Variants in WDR27 observed in about 807,000 individuals in gnomAD.
WDR27 encodes WD repeat domain 27, also known as WD repeat-containing protein 27.
A neutral mutation model predicts 114.4 loss-of-function variants in WDR27; 100 were observed. The observed-to-expected ratio is 0.87, with a 90% CI of 0.74 to 1.03. The LOEUF (loss-of-function observed/expected upper bound fraction) is 1.03. WDR27 is among the 50% of genes least tolerant of loss of function. The pLI is 0.00. For missense variants in WDR27, 1,129 were observed against 1,092.9 expected (o/e 1.03, Z -0.47); for synonymous variants, 449 against 423.1 (o/e 1.06, Z -0.75).
chr6:169,467,547 T>A (rs1785754442), intron 25 of WDR27, among the ~76,000 whole-genome samples: 1 of 152,226 alleles, frequency 6.6e-6, no homozygotes, highest in Non-Finnish European at 1.5e-5. Context: ...GGCTTGGGGT[T>A]TCCACCCTCT....
intron 25 of WDR27, among the ~76,000 whole-genome samples, chr6:169,506,399 G>A (rs1792003052): frequency 6.6e-6 from 1 of 152,018 alleles, no homozygotes; most frequent in African/African-American, 2.4e-5. Context: ...AAAAATCAAG[G>A]GTGTTGTTGG....
At chr6:169,427,001 C>G in the WDR27 span, 4 of 152,112 alleles carry the variant, frequency 2.6e-5, no homozygotes, top group Admixed American at 2.6e-4. Flanking sequence ...TGCATACCAT[C>G]CTGACCTTGT....
chr6:169,459,528 T>C (rs909070394), intron 25 of WDR27, among the ~76,000 whole-genome samples: 1 of 151,556 alleles, frequency 6.6e-6, no homozygotes, highest in Non-Finnish European at 1.5e-5. Context: ...GAAATGGCTA[T>C]AAATGTATAT....
chr6:169,676,233 T>C (rs1386747683), intron 2 of WDR27, among the ~76,000 whole-genome samples: 1 of 152,182 alleles, frequency 6.6e-6, no homozygotes, highest in Admixed American at 6.5e-5. Context: ...AGGTATTTTG[T>C]TATACTCAGG....
intron 25 of WDR27, among the ~76,000 whole-genome samples, chr6:169,530,096 A>AC (rs1795410301): frequency 6.6e-6 from 1 of 152,254 alleles, no homozygotes; most frequent in Non-Finnish European, 1.5e-5. Flanking sequence ...GCTGGAAGCC[A>AC]CAGCAATGAG....
chr6:169,426,970 C>CGG, the WDR27 span: 2 of 14,066 alleles, frequency 1.4e-4, no homozygotes, highest in South Asian at 1.7e-3. Context: ...GTGGTGGGGG[C>CGG]AGTGGGGGGG....
chr6:169,566,563 T>G (rs1172439846), intron 25 of WDR27, among the ~76,000 whole-genome samples: 1 of 152,256 alleles, frequency 6.6e-6, no homozygotes, highest in Non-Finnish European at 1.5e-5. Flanking sequence ...TTCTCACTGT[T>G]CTGTCATTTA....
chr6:169,621,512 TCA>T (rs776143266), intron 21 of WDR27, among the ~76,000 whole-genome samples: 2 of 141,856 alleles, frequency 1.4e-5, no homozygotes, highest in African/African-American at 2.7e-5. Flanking sequence ...ACACATGCAT[TCA>T]CACATATACA....
At chr6:169,520,767 C>T (rs1794274796) in intron 25 of WDR27, among the ~76,000 whole-genome samples, 2 of 151,570 alleles carry the variant, frequency 1.3e-5, no homozygotes, top group Admixed American at 1.3e-4. Context: ...AGGCTCTCAA[C>T]AGTAGAATGG....
intron 25 of WDR27, among the ~76,000 whole-genome samples, chr6:169,525,796 T>G (rs748993942): frequency 3.6e-4 from 55 of 152,210 alleles, no homozygotes; most frequent in Non-Finnish European, 7.2e-4. Context: ...CTCATGTTTA[T>G]TACAGAACTA....
chr6:169,535,256 T>G (rs1420509250), intron 25 of WDR27, among the ~76,000 whole-genome samples: 2 of 152,164 alleles, frequency 1.3e-5, no homozygotes, highest in African/African-American at 2.4e-5. Context: ...TTAGATCACC[T>G]AAGAAGCATC....
intron 21 of WDR27, among the ~76,000 whole-genome samples, chr6:169,616,116 C>T (rs760129816): frequency 3.9e-5 from 6 of 151,974 alleles, no homozygotes; most frequent in African/African-American, 9.7e-5. Context: ...AATAACTGCA[C>T]GTGAAAATAT....
chr6:169,622,096 A>C (rs894668196), intron 21 of WDR27, among the ~76,000 whole-genome samples: 1 of 152,152 alleles, frequency 6.6e-6, no homozygotes, highest in Non-Finnish European at 1.5e-5. Context: ...AGAAACTCAA[A>C]AGAATGCAAC....
At chr6:169,619,579 G>A (rs1347755544) in intron 21 of WDR27, among the ~76,000 whole-genome samples, 1 of 152,112 alleles carries the variant, frequency 6.6e-6, no homozygotes, top group African/African-American at 2.4e-5. Flanking sequence ...TTCCCACCTG[G>A]GAAAGGCAGG....
intron 21 of WDR27, among the ~76,000 whole-genome samples, chr6:169,623,453 T>C (rs780925262): frequency 2.0e-5 from 3 of 152,180 alleles, no homozygotes; most frequent in Non-Finnish European, 2.9e-5. Context: ...TGGCTCTATC[T>C]AGGCAGCAGA....
intron 25 of WDR27, among the ~76,000 whole-genome samples, chr6:169,467,780 T>C (rs1219714265): frequency 6.6e-6 from 1 of 152,246 alleles, no homozygotes; most frequent in Non-Finnish European, 1.5e-5. Context: ...ATTTAGCTCC[T>C]CATTACTTAT....
At position 169,533,848 on chromosome 6, in the gene WDR27, T is replaced by C. The variant is rs577969390; in HGVS notation, c.2645+38571A>G. Among the ~76,000 whole-genome samples the C allele has an allele frequency of 8.5e-4, 129 of 151,034 alleles. 1 individual carries two copies. Among genetic ancestry groups the C allele is most frequent in the Middle Eastern group, 3.4e-3 (1 of 294 alleles). ...CTGTGTGTGTGTGTGTGTGTGTGTG[T>C]GCACATGTGCACGTGTATGCATACA... On this transcript the variant is annotated intron_variant, in intron 25 of 25. Coordinates refer to ENST00000448612, the MANE Select transcript of WDR27 (RefSeq NM_182552.5).
intron 25 of WDR27, among the ~76,000 whole-genome samples, chr6:169,494,172 G>C (rs902373069): frequency 1.3e-5 from 2 of 152,138 alleles, no homozygotes; most frequent in African/African-American, 4.8e-5. Context: ...GGCTATGAGG[G>C]TGTTTTTGAT....
At chr6:169,430,751 T>C in the WDR27 span, among the ~76,000 whole-genome samples, 1 of 152,202 alleles carries the variant, frequency 6.6e-6, no homozygotes, top group Non-Finnish European at 1.5e-5. Flanking sequence ...AAGCTGAAAG[T>C]CATTCAAAGA....
Sources: allele counts gnomAD v4.1 joint callset (sites outside exome capture counted in the v4.1 genomes callset), GRCh38; gene constraint gnomAD v4.1.1; transcripts MANE v1.5; gene names NCBI Gene and HGNC (gene_info 2026-07-23, HGNC 2026-07-21).